Variants in SPAG16 observed in about 807,000 individuals in gnomAD.
The protein encoded by SPAG16 is sperm associated antigen 16.
SPAG16 carries 86 observed loss-of-function variants against 80.4 expected under a neutral mutation model. That is an observed-to-expected ratio of 1.07 (90% CI 0.90 to 1.28). The LOEUF (loss-of-function observed/expected upper bound fraction) is 1.28, where lower values mean the gene tolerates loss of function less well. Among genes scored for constraint, SPAG16 ranks in the 50% most tolerant of loss-of-function variants. SPAG16 has a pLI of 0.00. For synonymous variants in SPAG16, 294 were observed against 265.9 expected (o/e 1.11, Z -1.03); for missense variants, 870 against 765.3 (o/e 1.14, Z -1.61).
intron 12 of SPAG16, among the ~76,000 whole-genome samples, chr2:213,999,869 A>G (rs2046705021): frequency 6.6e-6 from 1 of 152,150 alleles, no homozygotes; most frequent in Admixed American, 6.5e-5. Context: ...GGGCCCTGTA[A>G]CCACTTTGTT....
intron 12 of SPAG16, among the ~76,000 whole-genome samples, chr2:214,011,293 A>T (rs1357390236): frequency 6.8e-6 from 1 of 146,428 alleles, no homozygotes; most frequent in East Asian, 1.9e-4. Context: ...CATTAAAAAT[A>T]GCAGGTAAAA....
At chr2:214,166,229 G>T (rs1488612603) in intron 15 of SPAG16, among the ~76,000 whole-genome samples, 4 of 152,128 alleles carry the variant, frequency 2.6e-5, no homozygotes, top group Non-Finnish European at 4.4e-5. Flanking sequence ...ACAGGATGCT[G>T]TGCTGCTCAT....
chr2:213,587,097 T>C (rs938712100), intron 10 of SPAG16, among the ~76,000 whole-genome samples: 1 of 152,176 alleles, frequency 6.6e-6, no homozygotes, highest in African/African-American at 2.4e-5. Flanking sequence ...TGATGATCAG[T>C]AGTCTCCGAG....
At chr2:213,903,654 T>G (rs1374908773) in intron 11 of SPAG16, among the ~76,000 whole-genome samples, 1 of 152,190 alleles carries the variant, frequency 6.6e-6, no homozygotes, top group Non-Finnish European at 1.5e-5. Context: ...CTCATTGTCT[T>G]GGGGATTAAT....
intron 12 of SPAG16, among the ~76,000 whole-genome samples, chr2:213,932,282 C>G (rs2078798034): frequency 6.6e-6 from 1 of 150,762 alleles, no homozygotes; most frequent in East Asian, 2.0e-4. Context: ...ACAATCTCAG[C>G]TCACTGCTCT....
intron 10 of SPAG16, among the ~76,000 whole-genome samples, chr2:213,535,494 A>G (rs1016571018): frequency 3.9e-5 from 6 of 152,152 alleles, no homozygotes; most frequent in African/African-American, 1.4e-4. Context: ...AAGTGCATAC[A>G]CCATCCTGAG....
At chr2:213,668,275 T>A (rs572857775) in intron 10 of SPAG16, among the ~76,000 whole-genome samples, 3 of 151,340 alleles carry the variant, frequency 2.0e-5, no homozygotes, top group Admixed American at 2.0e-4. Context: ...CTTACCTATG[T>A]TTAGATAATT....
intron 9 of SPAG16, among the ~76,000 whole-genome samples, chr2:213,439,289 C>T (rs186606651): frequency 1.6e-4 from 25 of 152,140 alleles, no homozygotes; most frequent in Admixed American, 2.6e-4. Flanking sequence ...AAAAGGGGAG[C>T]GGCTTTGGAA....
intron 9 of SPAG16, among the ~76,000 whole-genome samples, chr2:213,438,827 G>C (rs2070781967): frequency 1.3e-5 from 2 of 152,238 alleles, no homozygotes; most frequent in Admixed American, 1.3e-4. Flanking sequence ...TTTAAAAAGA[G>C]AGTGTAGAAA....
intron 15 of SPAG16, among the ~76,000 whole-genome samples, chr2:214,163,522 GTATGTGTATGTATA>G (rs2056529736): frequency 6.6e-6 from 1 of 150,844 alleles, no homozygotes; most frequent in African/African-American, 2.4e-5. Flanking sequence ...ATATAAGAAT[GTATGTGTATGTATA>G]TATGTGTGTG....
intron 13 of SPAG16, among the ~76,000 whole-genome samples, chr2:214,069,865 T>C (rs1238772614): frequency 6.6e-6 from 1 of 152,082 alleles, no homozygotes; most frequent in Non-Finnish European, 1.5e-5. Context: ...AACAGACAAA[T>C]GCTTAGGATA....
At chr2:214,401,070 T>C (rs1256937210) in intron 15 of SPAG16, among the ~76,000 whole-genome samples, 4 of 152,026 alleles carry the variant, frequency 2.6e-5, no homozygotes, top group Non-Finnish European at 4.4e-5. Context: ...AATGCATTGA[T>C]CAGCAGTAAG....
intron 10 of SPAG16, among the ~76,000 whole-genome samples, chr2:213,633,645 T>C (rs184595770): frequency 6.6e-6 from 1 of 152,280 alleles, no homozygotes; most frequent in African/African-American, 2.4e-5. Context: ...GCTATTATTG[T>C]ATTGGGACTA....
At chr2:214,407,985 G>A (rs963114112) in intron 15 of SPAG16, among the ~76,000 whole-genome samples, 3 of 144,936 alleles carry the variant, frequency 2.1e-5, no homozygotes, top group African/African-American at 8.1e-5. Context: ...AATGAATTCA[G>A]GTAAACTTGA....
At chr2:213,908,461 T>C (rs12475902) in intron 11 of SPAG16, among the ~76,000 whole-genome samples, 89,102 of 152,080 alleles carry the variant, frequency 0.59, 27,893 homozygotes, top group South Asian at 0.84. Flanking sequence ...TTCAGGTTTG[T>C]GTGTTTCTCT....
chr2:213,832,998 A>G (rs1205188221), intron 10 of SPAG16, among the ~76,000 whole-genome samples: 2 of 152,136 alleles, frequency 1.3e-5, no homozygotes, highest in Admixed American at 1.3e-4. Flanking sequence ...TATGTTTCAT[A>G]TAATACTTTT....
chr2:214,258,669 C>CACA (rs1476530467), intron 15 of SPAG16, among the ~76,000 whole-genome samples: 1 of 151,652 alleles, frequency 6.6e-6, no homozygotes, highest in Non-Finnish European at 1.5e-5. Flanking sequence ...CAGTAGATAC[C>CACA]TTAATATTGT....
At chr2:214,335,120 C>A (rs1472739507) in intron 15 of SPAG16, among the ~76,000 whole-genome samples, 2 of 152,092 alleles carry the variant, frequency 1.3e-5, no homozygotes, top group Non-Finnish European at 2.9e-5. Context: ...TTTGAAGCTG[C>A]GGTGGCCCTT....
At chr2:214,036,345 A>G (rs1393497420) in intron 13 of SPAG16, among the ~76,000 whole-genome samples, 1 of 152,144 alleles carries the variant, frequency 6.6e-6, no homozygotes, top group Non-Finnish European at 1.5e-5. Context: ...TTAGCACTGG[A>G]GTCAGCCATT....
Sources: allele counts gnomAD v4.1 joint callset (sites outside exome capture counted in the v4.1 genomes callset), GRCh38; gene constraint gnomAD v4.1.1; transcripts MANE v1.5; gene names NCBI Gene and HGNC (gene_info 2026-07-23, HGNC 2026-07-21).